CLCN5: variants seen among roughly 807,000 people sequenced by gnomAD.
CLCN5 encodes the protein H(+)/Cl(-) exchange transporter 5.
CLCN5 carries 17 observed loss-of-function variants against 54.0 expected under a neutral mutation model. That is an observed-to-expected ratio of 0.31 (90% CI 0.22 to 0.47). CLCN5 has a LOEUF of 0.47. Among genes scored for constraint, CLCN5 ranks in the 20% least tolerant of loss-of-function variants. CLCN5 has a pLI of 1.00. For missense variants in CLCN5, 448 were observed against 646.7 expected (o/e 0.69, Z 3.33); for synonymous variants, 222 against 233.0 (o/e 0.95, Z 0.43).
Position 50,005,850 on chromosome X carries a change from C to G in CLCN5, c.17-36466C>G, listed in dbSNP as rs193085534. ...CCATGTCTTCAAGAAGCCCTGGTTTCTTTTAATCAGACATGATATTTAAAG... is the reference window on the plus strand; with the variant it reads ...CCATGTCTTCAAGAAGCCCTGGTTTGTTTTAATCAGACATGATATTTAAAG... On this transcript the variant is annotated intron_variant, in intron 3 of 14. Transcript: ENST00000376091. Among the ~76,000 whole-genome samples, 6 of 112,240 alleles carry G rather than the reference C, an allele frequency of 5.3e-5. No homozygotes were observed. In the East Asian group the frequency reaches 1.7e-3, roughly 31 times the overall value.
chrX:50,062,084 A>G (rs1310203341), intron 4 of CLCN5, among the ~76,000 whole-genome samples: 1 of 107,852 alleles, frequency 9.3e-6, no homozygotes, highest in Non-Finnish European at 1.9e-5. Context: ...CGAGACTAGG[A>G]AGAAAGTGCA....
intron 3 of CLCN5, among the ~76,000 whole-genome samples, chrX:50,029,994 G>T (rs963591003): frequency 1.8e-5 from 2 of 112,054 alleles, no homozygotes; most frequent in East Asian, 5.6e-4. Context: ...GTGCCATAAG[G>T]TTTTGATGAT....
At chrX:49,972,134 TG>T (rs1928252282) in intron 3 of CLCN5, among the ~76,000 whole-genome samples, 1 of 107,473 alleles carries the variant, frequency 9.3e-6, no homozygotes, top group Non-Finnish European at 1.9e-5. Context: ...TGTGTGTGTG[TG>T]TGTGTGTGTG....
intron 3 of CLCN5, among the ~76,000 whole-genome samples, chrX:49,971,245 CAT>C (rs1161543219): frequency 5.3e-4 from 53 of 100,823 alleles, no homozygotes; most frequent in African/African-American, 1.9e-3. Context: ...TATTTATTTA[CAT>C]ATATATTTAT....
chrX:49,977,735 C>A (rs1180801751), intron 3 of CLCN5, among the ~76,000 whole-genome samples: 3 of 112,131 alleles, frequency 2.7e-5, no homozygotes, highest in Admixed American at 1.9e-4. Context: ...AGAGCACTCA[C>A]CCTCTCATCT....
intron 3 of CLCN5, among the ~76,000 whole-genome samples, chrX:49,971,461 C>A (rs1171080115): frequency 1.8e-5 from 2 of 109,736 alleles, no homozygotes; most frequent in Non-Finnish European, 3.8e-5. Flanking sequence ...GGAAAGCATT[C>A]AATTTTTCAC....
rs1557186233 is a variant in CLCN5 at position 50,033,923 on chromosome X, T to G, written c.17-8393T>G. Reference sequence around the variant, plus strand: ...TTGTCTGTTCAGAGTCCTCACCTTTTTCTCATAACCCCTACTCGTCTGTAG... The same window carrying G: ...TTGTCTGTTCAGAGTCCTCACCTTTGTCTCATAACCCCTACTCGTCTGTAG... On this transcript the variant is annotated intron_variant, in intron 3 of 14. Coordinates refer to ENST00000376091, the MANE Select transcript of CLCN5 (RefSeq NM_001127898.4). 5.4e-5 allele frequency among the ~76,000 whole-genome samples: 6 copies of G among 111,596 alleles called. 1 individual carries two copies. The highest frequency in any genetic ancestry group is 9.4e-5 in the Non-Finnish European group (5 of 53,125).
At chrX:49,959,199 TTTTG>T (rs1245328597) in intron 3 of CLCN5, among the ~76,000 whole-genome samples, 1 of 112,008 alleles carries the variant, frequency 8.9e-6, no homozygotes, top group Non-Finnish European at 1.9e-5. Context: ...TCCCTGTTGT[TTTTG>T]TTTGTTTGTT....
chrX:49,931,920 A>C (rs1373065583), intron 3 of CLCN5, among the ~76,000 whole-genome samples: 2 of 108,070 alleles, frequency 1.9e-5, no homozygotes, highest in Non-Finnish European at 3.8e-5. Context: ...CTCAAAAAAA[A>C]AAAAAAGACT....
At chrX:49,936,842 A>G (rs1409777649) in intron 3 of CLCN5, among the ~76,000 whole-genome samples, 3 of 112,244 alleles carry the variant, frequency 2.7e-5, no homozygotes, top group African/African-American at 9.7e-5. Context: ...CCATCTTTTT[A>G]CTATCAACAG....
chrX:50,005,470 A>G (rs923276411), intron 3 of CLCN5, among the ~76,000 whole-genome samples: 13 of 111,876 alleles, frequency 1.2e-4, no homozygotes, highest in Non-Finnish European at 1.7e-4. Flanking sequence ...TTCATCTGCT[A>G]TTTGATCACC....
chrX:49,992,988 T>A (rs1040659680), intron 3 of CLCN5, among the ~76,000 whole-genome samples: 1 of 111,592 alleles, frequency 9.0e-6, no homozygotes, highest in East Asian at 2.8e-4. Context: ...GGCTGGGTGA[T>A]GGGTTAAGCA....
intron 3 of CLCN5, among the ~76,000 whole-genome samples, chrX:49,980,737 T>C (rs1406158051): frequency 9.0e-6 from 1 of 111,626 alleles, no homozygotes. Flanking sequence ...AAATATGACA[T>C]ACCATTTAGT....
chrX:50,007,438 T>A (rs868948705), intron 3 of CLCN5, among the ~76,000 whole-genome samples: 2 of 72,884 alleles, frequency 2.7e-5, no homozygotes, highest in African/African-American at 6.9e-5. Flanking sequence ...TCTCTCTCTC[T>A]GTCACACACA....
chrX:50,090,056 C>A (rs1602133509), intron 12 of CLCN5, 60 bp from the exon 13 acceptor site: 1 of 1,150,200 alleles, frequency 8.7e-7, no homozygotes, highest in Non-Finnish European at 1.2e-6. Context: ...TGGAAAGGCC[C>A]ATAATTGTAA....
chrX:50,046,819 C>T (rs782245463), intron 4 of CLCN5, among the ~76,000 whole-genome samples: 2 of 110,484 alleles, frequency 1.8e-5, no homozygotes, highest in Non-Finnish European at 3.8e-5. Context: ...GATCAAAAGG[C>T]CTGAATGAAG....
At chrX:50,041,219 GT>G (rs1932203485) in intron 3 of CLCN5, among the ~76,000 whole-genome samples, 2 of 111,476 alleles carry the variant, frequency 1.8e-5, no homozygotes, top group Non-Finnish European at 3.8e-5. Flanking sequence ...AGGAAAAGAA[GT>G]TTCTTTAAAG....
At chrX:49,964,590 T>C (rs1003454816) in intron 3 of CLCN5, among the ~76,000 whole-genome samples, 10 of 111,468 alleles carry the variant, frequency 9.0e-5, no homozygotes, top group Non-Finnish European at 1.1e-4. Flanking sequence ...AGGTTCTTAC[T>C]GAGTGGCCCA....
chrX:50,010,690 C>G (rs1557182404), intron 3 of CLCN5: 1 of 177,950 alleles, frequency 5.6e-6, no homozygotes, highest in Non-Finnish European at 1.2e-5. Flanking sequence ...CTAATCCTTG[C>G]TACCTGGGTG....
Sources: gnomAD v4.1 joint callset for allele counts (sites outside exome capture counted in the v4.1 genomes callset) on GRCh38, gnomAD v4.1.1 for gene constraint, MANE v1.5 for transcripts, NCBI Gene and HGNC (gene_info 2026-07-23, HGNC 2026-07-21) for gene names.